Variants in MTF2 observed in about 807,000 individuals in gnomAD.
MTF2 encodes metal response element binding transcription factor 2, also known as metal-response element-binding transcription factor 2.
In MTF2, 11 loss-of-function variants were observed where a neutral mutation model predicts 79.5. The ratio of observed to expected loss-of-function variants is 0.14; its 90% CI spans 0.09 to 0.23. MTF2 has a LOEUF of 0.23. MTF2 is among the 10% of genes least tolerant of loss of function. MTF2 has a pLI of 1.00. For missense variants in MTF2, 486 were observed against 711.2 expected (o/e 0.68, Z 3.60); for synonymous variants, 208 against 232.8 (o/e 0.89, Z 0.97).
intron 1 of MTF2, among the ~76,000 whole-genome samples, chr1:93,105,490 GT>G (rs796740358): frequency 7.2e-5 from 11 of 152,156 alleles, no homozygotes; most frequent in South Asian, 4.1e-4. Context: ...GTTATAATCT[GT>G]TTTGCAGTTG....
In MTF2 at chr1:93,138,909, T is replaced by G. The variant is rs540323321; in HGVS notation, c.*1882T>G. On this transcript the variant is annotated 3_prime_UTR_variant, in exon 15 of 15. Coordinates refer to ENST00000370298, the MANE Select transcript of MTF2 (RefSeq NM_007358.4). ...TTTAGAAATTTTTCTTTAACATACT[T>G]GGAAGATGATTTATCCAGCTGAACT... 1 of 152,364 alleles carries G rather than the reference T, an allele frequency of 6.6e-6. No individual in the cohort carries two copies. The highest frequency in any genetic ancestry group is 2.1e-4 in the South Asian group (1 of 4,828). The allele number at this position is 152,364 out of a possible 1,614,324, so 9.4% of individuals were successfully genotyped here.
chr1:93,104,949 G>C (rs1326638605), intron 1 of MTF2, among the ~76,000 whole-genome samples: 6 of 151,980 alleles, frequency 3.9e-5, no homozygotes, highest in African/African-American at 1.4e-4. Flanking sequence ...GAGGTCAGGA[G>C]ATCGAGACCA....
At chr1:93,123,591 T>C (rs940157678) in intron 9 of MTF2, among the ~76,000 whole-genome samples, 2 of 152,078 alleles carry the variant, frequency 1.3e-5, no homozygotes, top group African/African-American at 4.8e-5. Flanking sequence ...ACTAGGCAGT[T>C]ATCCACATTT....
chr1:93,101,987 A>G (rs1655567297), intron 1 of MTF2, among the ~76,000 whole-genome samples: 1 of 152,114 alleles, frequency 6.6e-6, no homozygotes. Flanking sequence ...TTGTATAACA[A>G]CTACCTCTTT....
At chr1:93,131,209 C>T (rs1364629486) in intron 11 of MTF2, among the ~76,000 whole-genome samples, 1 of 151,978 alleles carries the variant, frequency 6.6e-6, no homozygotes, top group Non-Finnish European at 1.5e-5. Flanking sequence ...AAAGAATGAT[C>T]AGTGAGATGG....
intron 1 of MTF2, among the ~76,000 whole-genome samples, chr1:93,085,816 A>C (rs548275293): frequency 6.6e-6 from 1 of 152,126 alleles, no homozygotes; most frequent in Admixed American, 6.5e-5. Context: ...CATAGGTTCT[A>C]TGGGTCACAC....
Position 93,134,144 on chromosome 1 carries a change from G to T in MTF2, c.1373G>T (p.Gly458Val), listed in dbSNP as rs745739457. The T allele has an allele frequency of 2.5e-6, 4 of 1,613,648 alleles. No individual in the cohort carries two copies. Among genetic ancestry groups the T allele is most frequent in the Non-Finnish European group, 1.7e-6 (2 of 1,179,726 alleles). ...SSNTSDVDFT[G>V]ASSAKETTSS... ...AATACCTCAGATGTGGATTTCACGG[G>T]TGCTTCCAGTGCAAAAGAAACTACC... The change falls in exon 14 of 15, where the codon GGT becomes GTT. Residue 458 changes from glycine to valine, a missense_variant. Around this residue, in one of 4 missense-constraint regions of MTF2, gnomAD observed 209 missense variants for 206.5 expected, o/e 1.01. Transcript: ENST00000370298.
At chr1:93,110,131 T>TA in intron 1 of MTF2, 99 bp from the exon 2 acceptor site, 1 of 1,172,678 alleles carries the variant, frequency 8.5e-7, no homozygotes. Context: ...TTAAGGTTTT[T>TA]AACAAATTTA....
chr1:93,129,689 A>G (rs994133322), intron 11 of MTF2, among the ~76,000 whole-genome samples: 3 of 152,064 alleles, frequency 2.0e-5, no homozygotes, highest in African/African-American at 7.2e-5. Context: ...TTTGTTAGCA[A>G]ACAGCTTAAG....
chr1:93,105,090 G>A (rs1655712239), intron 1 of MTF2, among the ~76,000 whole-genome samples: 1 of 146,746 alleles, frequency 6.8e-6, no homozygotes, highest in African/African-American at 2.5e-5. Flanking sequence ...CTTGCAGTGA[G>A]CCGAGATAGC....
At chr1:93,102,670 G>A (rs1655595017) in intron 1 of MTF2, among the ~76,000 whole-genome samples, 2 of 152,150 alleles carry the variant, frequency 1.3e-5, no homozygotes, top group Admixed American at 1.3e-4. Flanking sequence ...GAAATAGAGT[G>A]TGTGTTGTCA....
chr1:93,113,850 G>A (rs2101062696), intron 3 of MTF2, among the ~76,000 whole-genome samples: 1 of 152,216 alleles, frequency 6.6e-6, no homozygotes, highest in African/African-American at 2.4e-5. Flanking sequence ...ATCCTACACA[G>A]TGCTTGGCCC....
chr1:93,092,303 T>C (rs1476175205), intron 1 of MTF2, among the ~76,000 whole-genome samples: 1 of 152,186 alleles, frequency 6.6e-6, no homozygotes, highest in Admixed American at 6.5e-5. Flanking sequence ...ACCATAGATG[T>C]TGATGTTACC....
At position 93,119,313 on chromosome 1, in the gene MTF2, CTTTTTTTT is replaced by C. The variant is rs74464389; in HGVS notation, c.729-13_729-6del. 1 of 1,066,836 alleles carries C rather than the reference CTTTTTTTT, an allele frequency of 9.4e-7. No homozygotes were observed. Among genetic ancestry groups the C allele is most frequent in the Admixed American group, 2.7e-5 (1 of 36,532 alleles). The allele number at this position is 1,066,836 out of a possible 1,614,324, so 66.1% of individuals were successfully genotyped here. On this transcript the variant is annotated splice_polypyrimidine_tract_variant and intron_variant, in intron 7 of 14. Coordinates refer to ENST00000370298, the MANE Select transcript of MTF2 (RefSeq NM_007358.4). Reference sequence around the variant, plus strand: ...CTGATGACTCAGTATAAAACTTTTTCTTTTTTTTTTTTTTCTTAGATTTTATACGTTTA... The same window carrying C: ...CTGATGACTCAGTATAAAACTTTTTCTTTTTTCTTAGATTTTATACGTTTA...
At chr1:93,087,034 A>G (rs1654871765) in intron 1 of MTF2, among the ~76,000 whole-genome samples, 1 of 152,204 alleles carries the variant, frequency 6.6e-6, no homozygotes, top group African/African-American at 2.4e-5. Flanking sequence ...CGTTCGGGAC[A>G]CTGAATAAAC....
chr1:93,108,126 T>C (rs1341833451), intron 1 of MTF2, among the ~76,000 whole-genome samples: 1 of 152,294 alleles, frequency 6.6e-6, no homozygotes, highest in East Asian at 1.9e-4. Flanking sequence ...ACATACTTCC[T>C]TTATGCTATT....
intron 3 of MTF2, 28 bp downstream of exon 3, chr1:93,110,654 G>A (rs761407165): frequency 9.1e-6 from 14 of 1,537,778 alleles, no homozygotes; most frequent in Non-Finnish European, 1.3e-5. Context: ...TCTTGAACAT[G>A]ATTTAAATTA....
chr1:93,120,590 T>C lies in MTF2; in HGVS notation c.839T>C (p.Ile280Thr). 6.2e-7 allele frequency: 1 copy of C among 1,607,868 alleles called. No homozygotes were observed. The highest frequency in any genetic ancestry group is 8.5e-7 in the Non-Finnish European group (1 of 1,176,830). Residue 280 changes from isoleucine (I) to threonine (T), a missense_variant, in exon 9 of 15, where the codon ATT becomes ACT. By Grantham distance (89) the Ile-to-Thr change is moderately conservative. Around this residue, in one of 4 missense-constraint regions of MTF2, gnomAD observed 177 missense variants for 364.0 expected, o/e 0.49. Transcript: ENST00000370298. ...AHLCLYNLSV[I>T]HKKKYFDSEL... ...CTATGCCTTTACAACCTAAGTGTTA[T>C]TCATAAGAAGAAATACTTTGATTCT...
chr1:93,130,719 T>G (rs1388209628), intron 11 of MTF2, among the ~76,000 whole-genome samples: 1 of 152,100 alleles, frequency 6.6e-6, no homozygotes, highest in Non-Finnish European at 1.5e-5. Flanking sequence ...GTGGTAACAC[T>G]CAAATGGAGA....
Sources: allele counts gnomAD v4.1 joint callset (sites outside exome capture counted in the v4.1 genomes callset), GRCh38; gene constraint gnomAD v4.1.1; regional missense constraint gnomAD v4.1.1; transcripts MANE v1.5; gene names NCBI Gene and HGNC (gene_info 2026-07-23, HGNC 2026-07-21).